Variants in PRRC2B observed in about 807,000 individuals in gnomAD.
The protein encoded by PRRC2B is protein PRRC2B.
Under a neutral mutation model 242.3 loss-of-function variants are expected in PRRC2B, and 68 were observed. The observed-to-expected ratio is 0.28, with a 90% confidence interval of 0.23 to 0.34. The LOEUF (loss-of-function observed/expected upper bound fraction) is 0.34. Ranked by LOEUF, PRRC2B falls within the 10% of genes least tolerant of loss-of-function variation. The pLI is 1.00. For synonymous variants in PRRC2B, 1,228 were observed against 1,173.6 expected (o/e 1.05, Z -0.95); for missense variants, 2,835 against 2,954.8 (o/e 0.96, Z 0.94).
At chr9:131,485,926 G>C (rs189807238) in intron 25 of PRRC2B, among the ~76,000 whole-genome samples, 159 bp from the exon 26 acceptor site, 1 of 152,176 alleles carries the variant, frequency 6.6e-6, no homozygotes, top group Non-Finnish European at 1.5e-5. Context: ...GCAGGCGTGT[G>C]CTTCCGGCAC....
intron 28 of PRRC2B, 72 bp downstream of exon 28, chr9:131,488,168 C>T (rs1382251614): frequency 2.3e-5 from 35 of 1,523,254 alleles, no homozygotes; most frequent in African/African-American, 1.1e-4. Context: ...TCTTTTCACC[C>T]GCCTCTCAGT....
In PRRC2B at chr9:131,498,328, T is replaced by C. The variant is rs1046920262; in HGVS notation, c.*2454T>C. The stretch of plus-strand genomic sequence containing the variant: ...TATTTATATATAATGTCTGAATTAA[T>C]TCTGTGCAGGAAAGGCCAGGAAATT... On this transcript the variant is annotated 3_prime_UTR_variant, in exon 32 of 32. Transcript: ENST00000683519. 6.6e-6 allele frequency: 1 copy of C among 152,246 alleles called. No homozygotes were observed. The highest frequency in any genetic ancestry group is 1.5e-5 in the Non-Finnish European group (1 of 68,046). The allele number at this position is 152,246 out of a possible 1,614,324, so 9.4% of individuals were successfully genotyped here.
In PRRC2B at chr9:131,459,267, G is replaced by A. The variant is rs370435017; in HGVS notation, c.1315G>A (p.Val439Met). Residue 439 changes from valine (V) to methionine (M), a missense_variant, in exon 11 of 32, where the codon GTG (valine) becomes ATG (methionine). Around this residue, in one of 7 missense-constraint regions of PRRC2B, gnomAD observed 626 missense variants for 685.5 expected, o/e 0.91. Transcript: ENST00000683519. Reference protein sequence around the residue: ...REEGKDWAEAVGASRVVRKAP... With the variant: ...REEGKDWAEAMGASRVVRKAP... The stretch of plus-strand genomic sequence containing the variant: ...GGAAGGGAAGGACTGGGCTGAAGCA[G>A]TGGGTGCGTCCCGTGTGGTCCGAAA... 21 of 1,613,906 alleles carry A rather than the reference G, an allele frequency of 1.3e-5. No individual in the cohort carries two copies. The African/African-American group carries it at 2.5e-4, about 19-fold the overall frequency.
At position 131,476,519 on chromosome 9, in the gene PRRC2B, C is replaced by G; in HGVS notation, c.4390C>G (p.Pro1464Ala). 1 of 1,593,262 alleles carries G rather than the reference C, an allele frequency of 6.3e-7. No individual in the cohort carries two copies. Among genetic ancestry groups the G allele is most frequent in the Non-Finnish European group, 8.5e-7 (1 of 1,169,756 alleles). Reference protein sequence around the residue: ...PRYESQQNGTPLKVKRSPDEA... With the variant: ...PRYESQQNGTALKVKRSPDEA... ...CTATGAGAGCCAACAGAATGGGACG[C>G]CTTTGAAAGTGAAAAGGTAAAACCA... The change falls in exon 16 of 32, where the codon CCT (proline) becomes GCT (alanine). Residue 1464 changes from proline (P) to alanine (A), a missense_variant. Pro to Ala is a conservative substitution (Grantham distance 27). Around this residue, in one of 7 missense-constraint regions of PRRC2B, gnomAD observed 1,536 missense variants for 1,483.1 expected, o/e 1.04. Coordinates refer to ENST00000683519, the MANE Select transcript of PRRC2B (RefSeq NM_013318.4).
chr9:131,454,662 G>C (rs921076205), intron 9 of PRRC2B, among the ~76,000 whole-genome samples: 3 of 151,120 alleles, frequency 2.0e-5, no homozygotes, highest in South Asian at 2.1e-4. Flanking sequence ...TCGAGATGGA[G>C]TCTCGCTCTG....
At position 131,403,663 on chromosome 9, in the gene PRRC2B, A is replaced by T. The variant is rs968796688; in HGVS notation, c.-52+9400A>T. On this transcript the variant is annotated intron_variant, in intron 1 of 31. Transcript: ENST00000683519. Reference sequence around the variant, plus strand: ...AGCCACTGCGCCTGGCCCATACTTTAAAAAAAAAAAAAAAAACAAAATTAA... The same window carrying T: ...AGCCACTGCGCCTGGCCCATACTTTTAAAAAAAAAAAAAAAACAAAATTAA... 6.9e-3 allele frequency among the ~76,000 whole-genome samples: 45 copies of T among 6,514 alleles called. 1 individual carries two copies. Among genetic ancestry groups the T allele is most frequent in the South Asian group, 0.077 (2 of 26 alleles). 4.3% of individuals were successfully genotyped at this position (6,514 alleles called of 152,430 possible).
intron 1 of PRRC2B, among the ~76,000 whole-genome samples, chr9:131,404,864 A>G (rs962224463): frequency 3.3e-5 from 5 of 152,218 alleles, no homozygotes; most frequent in Non-Finnish European, 7.3e-5. Flanking sequence ...ATTTTGGTCA[A>G]ACTGTACCAG....
At chr9:131,435,238 C>T (rs1356923034) in intron 3 of PRRC2B, among the ~76,000 whole-genome samples, 126 of 150,634 alleles carry the variant, frequency 8.4e-4, no homozygotes, top group Non-Finnish European at 1.0e-4. Context: ...GCAGAGGTTG[C>T]AGTGAGCCGA....
rs771261416 is a variant in PRRC2B at position 131,439,080 on chromosome 9, G to A, written c.469+19G>A. 2.5e-6 allele frequency: 4 copies of A among 1,610,228 alleles called. No homozygotes were observed. The Admixed American group carries it at 6.7e-5, about 27-fold the overall frequency. ...GAAGGTGGTAAGTGCGCACGTGTGT[G>A]TGTTGTTTGGGGACGCTGGGGAGAG... is the stretch of plus-strand genomic sequence containing the variant. On this transcript the variant is annotated intron_variant, in intron 5 of 31. Coordinates refer to ENST00000683519, the MANE Select transcript of PRRC2B (RefSeq NM_013318.4).
chr9:131,380,714 TA>T, intron 1 of PRRC2B, among the ~76,000 whole-genome samples: 1 of 151,336 alleles, frequency 6.6e-6, no homozygotes, highest in African/African-American at 2.4e-5. Flanking sequence ...CCATCTCTAC[TA>T]AAAATACAAA....
chr9:131,458,135 G>A (rs759817505), intron 10 of PRRC2B, among the ~76,000 whole-genome samples: 2 of 151,946 alleles, frequency 1.3e-5, no homozygotes, highest in South Asian at 2.1e-4. Context: ...ATGCTGTGTC[G>A]GCTCTGCTTG....
intron 9 of PRRC2B, among the ~76,000 whole-genome samples, chr9:131,451,806 A>G (rs943199264): frequency 1.3e-5 from 2 of 151,934 alleles, no homozygotes; most frequent in African/African-American, 4.8e-5. Context: ...ATTGTGTTCA[A>G]TGATTTCCTA....
chr9:131,458,447 A>G (rs1370947620), intron 10 of PRRC2B, among the ~76,000 whole-genome samples: 1 of 152,022 alleles, frequency 6.6e-6, no homozygotes, highest in Non-Finnish European at 1.5e-5. Flanking sequence ...AACACTAACG[A>G]TAGCTGATAA....
upstream of PRRC2B, chr9:131,394,042 C>T (rs1461449630): frequency 1.3e-5 from 2 of 148,804 alleles, no homozygotes; most frequent in Non-Finnish European, 3.0e-5. Flanking sequence ...GCGGGGGCGG[C>T]GGCAGGCGGG....
chr9:131,495,154 C>T lies in PRRC2B; in HGVS notation c.6556-586C>T, dbSNP rs560075283. Among the ~76,000 whole-genome samples, 105 of 152,190 alleles carry T rather than the reference C, an allele frequency of 6.9e-4. 1 individual carries two copies. Among genetic ancestry groups the T allele is most frequent in the African/African-American group, 2.5e-3 (102 of 41,512 alleles). On this transcript the variant is annotated intron_variant, in intron 31 of 31. Transcript: ENST00000683519. ...GTTCAGACCTGGTGGGGGGCAGATGCGCTGGCTGCTCTGTGACTTCCCCAC... is the reference window on the plus strand; with the variant it reads ...GTTCAGACCTGGTGGGGGGCAGATGTGCTGGCTGCTCTGTGACTTCCCCAC...
intron 29 of PRRC2B, among the ~76,000 whole-genome samples, chr9:131,491,797 A>T (rs1357219716): frequency 1.3e-5 from 2 of 152,188 alleles, no homozygotes; most frequent in Non-Finnish European, 2.9e-5. Flanking sequence ...ATTCCTCCCC[A>T]GCTCCCCAGG....
At chr9:131,375,747 G>A (rs986852093) in intron 1 of PRRC2B, among the ~76,000 whole-genome samples, 1 of 152,068 alleles carries the variant, frequency 6.6e-6, no homozygotes, top group Non-Finnish European at 1.5e-5. Flanking sequence ...GATGAAATTC[G>A]GCTGGGCGCG....
At chr9:131,489,468 A>C (rs1453131964) in intron 28 of PRRC2B, among the ~76,000 whole-genome samples, 1 of 152,060 alleles carries the variant, frequency 6.6e-6, no homozygotes, top group African/African-American at 2.4e-5. Flanking sequence ...GGTGTTAGCC[A>C]CCACACCCAG....
Position 131,487,930 on chromosome 9 carries a change from C to T in PRRC2B, c.6059C>T (p.Pro2020Leu). ...CTCTCTGGGGGCACAGCCTTGAAGC[C>T]TCCATACTCGGCGTTCCCAGGCATG... ...MILSGGTALK[P>L]PYSAFPGMQP... Residue 2020 changes from proline (P) to leucine (L), a missense_variant, in exon 28 of 32, where the codon CCT (proline) becomes CTT (leucine). Physicochemically the swap from Pro to Leu is moderately conservative, Grantham distance 98. This residue lies in a region of PRRC2B where 574 missense variants were observed against 626.0 expected (regional missense o/e 0.92). Coordinates refer to ENST00000683519, the MANE Select transcript of PRRC2B (RefSeq NM_013318.4). This position sits in a 1 kb window ranked among gnomAD's most constrained non-coding sequence, Gnocchi z 5.3. The T allele has an allele frequency of 1.2e-6, 2 of 1,613,940 alleles. No homozygotes were observed. The highest frequency in any genetic ancestry group is 1.7e-6 in the Non-Finnish European group (2 of 1,179,846).
Sources: allele counts gnomAD v4.1 joint callset (sites outside exome capture counted in the v4.1 genomes callset), GRCh38; gene constraint gnomAD v4.1.1; regional missense constraint gnomAD v4.1.1; non-coding constraint Gnocchi (gnomAD v3.1); transcripts MANE v1.5; gene names NCBI Gene and HGNC (gene_info 2026-07-23, HGNC 2026-07-21).